HPN: variants seen among roughly 807,000 people sequenced by gnomAD.
The protein encoded by HPN is serine protease hepsin.
In HPN, 13 loss-of-function variants were observed where a neutral mutation model predicts 55.9. The ratio of observed to expected loss-of-function variants is 0.23; its 90% CI spans 0.15 to 0.37. The LOEUF is 0.37. HPN is among the 10% of genes least tolerant of loss of function. HPN has a pLI of 1.00. For synonymous variants in HPN, 225 were observed against 240.3 expected (o/e 0.94, Z 0.59); for missense variants, 451 against 575.8 (o/e 0.78, Z 2.22).
chr19:35,062,613 A>G (rs965418245), intron 9 of HPN, among the ~76,000 whole-genome samples: 5 of 152,080 alleles, frequency 3.3e-5, no homozygotes, highest in African/African-American at 7.2e-5. Context: ...GTGTAATAAT[A>G]ATAATAAAAA....
chr19:35,066,277 C>G lies in HPN; in HGVS notation c.1244C>G (p.Thr415Ser), dbSNP rs1234782954. The G allele has an allele frequency of 2.5e-6, 4 of 1,613,030 alleles. No homozygotes were observed. The African/African-American group carries it at 5.3e-5, about 22-fold the overall frequency. ...KTHSEASGMV[T>S]QL ...CACTCCGAAGCCAGCGGCATGGTGA[C>G]CCAGCTCTGACCGGTGGCTTCTCGC... is the stretch of plus-strand genomic sequence containing the variant. Residue 415 changes from threonine to serine, a missense_variant, in exon 13 of 13, where the codon ACC becomes AGC. Physicochemically the swap from Thr to Ser is moderately conservative, Grantham distance 58. Around this residue, in one of 2 missense-constraint regions of HPN, gnomAD observed 73 missense variants for 130.3 expected, o/e 0.56. Transcript: ENST00000672452.
chr19:35,057,558 A>G (rs2064468257), intron 4 of HPN, among the ~76,000 whole-genome samples: 1 of 152,186 alleles, frequency 6.6e-6, no homozygotes, highest in Non-Finnish European at 1.5e-5. Context: ...AAGTATTTAT[A>G]CCAAAATGAT....
intron 4 of HPN, among the ~76,000 whole-genome samples, chr19:35,057,194 A>C (rs113961960): frequency 0.075 from 11,459 of 152,162 alleles, 449 homozygotes; most frequent in Middle Eastern, 0.099. Flanking sequence ...GGAGGCCAAG[A>C]CAGGCAGATC....
At chr19:35,042,234 T>C in intron 1 of HPN, 1 of 1,321,784 alleles carries the variant, frequency 7.6e-7, no homozygotes, top group Non-Finnish European at 9.7e-7. Context: ...GGCTCAGGCA[T>C]GGGGGTCCCC....
At chr19:35,045,824 C>T (rs1315244906) in intron 2 of HPN, among the ~76,000 whole-genome samples, 1 of 151,958 alleles carries the variant, frequency 6.6e-6, no homozygotes, top group Non-Finnish European at 1.5e-5. Context: ...GAGGATGCCT[C>T]TCATACTGGG....
At chr19:35,065,113 T>C in intron 9 of HPN, 137 bp from the exon 10 acceptor site, 1 of 593,830 alleles carries the variant, frequency 1.7e-6, no homozygotes, top group Non-Finnish European at 3.0e-6. Flanking sequence ...TGAGCCACTG[T>C]GCCCAGCCTA....
chr19:35,066,283 T>C lies in HPN; in HGVS notation c.1250T>C (p.Leu417Pro). 1.2e-6 allele frequency: 2 copies of C among 1,612,584 alleles called. No homozygotes were observed. Among genetic ancestry groups the C allele is most frequent in the South Asian group, 1.1e-5 (1 of 90,762 alleles). ...HSEASGMVTQ[L>P] ...GAAGCCAGCGGCATGGTGACCCAGCTCTGACCGGTGGCTTCTCGCTGCGCA... is the reference window on the plus strand; with the variant it reads ...GAAGCCAGCGGCATGGTGACCCAGCCCTGACCGGTGGCTTCTCGCTGCGCA... The change falls in exon 13 of 13, where the codon CTC (leucine) becomes CCC (proline). Residue 417 changes from leucine to proline, a missense_variant. Transcript: ENST00000672452.
intron 10 of HPN, 49 bp from the exon 11 acceptor site, chr19:35,065,490 G>A: frequency 6.2e-7 from 1 of 1,603,248 alleles, no homozygotes; most frequent in African/African-American, 1.3e-5. Context: ...GAGGGAAGGG[G>A]GGTGTGTACA....
At chr19:35,041,688 T>TCCCCCCCCCCCCCC, upstream of HPN, 1 of 638,114 alleles carries the variant, frequency 1.6e-6, no homozygotes, top group Non-Finnish European at 2.0e-6. Context: ...CCCCGCCCCT[T>TCCCCCCCCCCCCCC]CACCCGCCCC....
At position 35,066,401 on chromosome 19, in the gene HPN, G is replaced by C; in HGVS notation, c.*114G>C. ...CTTGGGCCCGGTCCACAGGTCCAAG[G>C]ACACCCTCCCTCCAGGGTCCTCTCT... On this transcript the variant is annotated 3_prime_UTR_variant, in exon 13 of 13. Transcript: ENST00000672452. The C allele has an allele frequency of 7.1e-7, 1 of 1,408,896 alleles. No individual in the cohort carries two copies. The highest frequency in any genetic ancestry group is 9.6e-7 in the Non-Finnish European group (1 of 1,037,344). 87.3% of individuals were successfully genotyped at this position (1,408,896 alleles called of 1,614,324 possible). A position where few individuals can be genotyped will look rare whatever the true frequency, so the allele number is the denominator to read the frequency against.
chr19:35,046,621 G>C (rs1289424215), intron 2 of HPN, among the ~76,000 whole-genome samples: 2 of 152,186 alleles, frequency 1.3e-5, no homozygotes, highest in South Asian at 2.1e-4. Flanking sequence ...CTCTGTTCCA[G>C]GTGCTGGCCT....
At chr19:35,065,841 C>T in intron 11 of HPN, 27 bp from the exon 12 acceptor site, 1 of 1,612,608 alleles carries the variant, frequency 6.2e-7, no homozygotes, top group Non-Finnish European at 8.5e-7. Context: ...CTTTGGCCTT[C>T]AGCCAGACCT....
In HPN at chr19:35,065,697, G is replaced by A; in HGVS notation, c.1050+16G>A. 6.2e-7 allele frequency: 1 copy of A among 1,613,818 alleles called. No individual in the cohort carries two copies. Among genetic ancestry groups the A allele is most frequent in the Non-Finnish European group, 8.5e-7 (1 of 1,179,944 alleles). On this transcript the variant is annotated intron_variant, in intron 11 of 12. Transcript: ENST00000672452. ...TGCCTGCCAGGTGAGGGACTCTGTA[G>A]GGGCAGCCCCCTGGTCGCTGCCACC...
chr19:35,043,529 G>A lies in HPN; in HGVS notation c.16+1007G>A, dbSNP rs114422965. On this transcript the variant is annotated intron_variant, in intron 2 of 12. Coordinates refer to ENST00000672452, the MANE Select transcript of HPN (RefSeq NM_001384133.1). ...TTCTCTCATCTGTGAAATGGAGAGG[G>A]TGACAGTGCATGTCCAACAGCGTGG... 5.8e-3 allele frequency among the ~76,000 whole-genome samples: 881 copies of A among 152,346 alleles called. 8 individuals are homozygous for A. Among genetic ancestry groups the A allele is most frequent in the African/African-American group, 0.02 (843 of 41,572 alleles).
chr19:35,044,768 AC>A (rs1477936828), intron 2 of HPN, among the ~76,000 whole-genome samples: 1 of 152,134 alleles, frequency 6.6e-6, no homozygotes, highest in East Asian at 1.9e-4. Context: ...CTAGGGAGTC[AC>A]AGAGGGTTCT....
chr19:35,046,759 G>A (rs921628100), intron 2 of HPN, among the ~76,000 whole-genome samples: 1 of 152,268 alleles, frequency 6.6e-6, no homozygotes, highest in Admixed American at 6.5e-5. Context: ...AAGGCTTTCA[G>A]CAGCCTTTAC....
chr19:35,064,400 G>C (rs2064575671), intron 9 of HPN, among the ~76,000 whole-genome samples: 1 of 151,954 alleles, frequency 6.6e-6, no homozygotes, highest in Non-Finnish European at 1.5e-5. Flanking sequence ...CCAGGCTGGA[G>C]TGCAATGGCG....
At chr19:35,060,959 G>T (rs1389339062) in intron 9 of HPN, 142 bp downstream of exon 9, 1 of 737,084 alleles carries the variant, frequency 1.4e-6, no homozygotes, top group Non-Finnish European at 2.2e-6. Flanking sequence ...CACAAAGTGG[G>T]CCTTAACTAT....
intron 2 of HPN, among the ~76,000 whole-genome samples, chr19:35,044,109 G>A (rs367554270): frequency 1.3e-5 from 2 of 152,236 alleles, no homozygotes; most frequent in African/African-American, 4.8e-5. Context: ...TGGCAATGGC[G>A]CCTTCCTCGT....
Sources: allele counts gnomAD v4.1 joint callset (sites outside exome capture counted in the v4.1 genomes callset), GRCh38; gene constraint gnomAD v4.1.1; regional missense constraint gnomAD v4.1.1; transcripts MANE v1.5; gene names NCBI Gene and HGNC (gene_info 2026-07-23, HGNC 2026-07-21).